PCDH15: variants seen among roughly 807,000 people sequenced by gnomAD.
The protein encoded by PCDH15 is protocadherin-15.
PCDH15 carries 129 observed loss-of-function variants against 178.5 expected under a neutral mutation model. The ratio of observed to expected loss-of-function variants is 0.72; its 90% CI spans 0.63 to 0.84. The LOEUF (loss-of-function observed/expected upper bound fraction) is 0.84, where lower values mean the gene tolerates loss of function less well. PCDH15 is among the 40% of genes least tolerant of loss of function. The probability of loss-of-function intolerance (pLI) is 0.00; values close to 1 mark genes in which losing one functional copy is unlikely to be tolerated. For synonymous variants in PCDH15, 800 were observed against 732.0 expected, an observed-to-expected ratio of 1.09 and a Z score of -1.50; for missense variants, 2,230 against 2,099.9, an observed-to-expected ratio of 1.06 and a Z score of -1.21.
chr10:55,300,860 A>G (rs1049675736), intron 1 of PCDH15, among the ~76,000 whole-genome samples: 2 of 152,198 alleles, frequency 1.3e-5, no homozygotes, highest in Admixed American at 1.3e-4. Context: ...AACATATTGC[A>G]CAATTTTAGA....
rs111579202 is a variant in PCDH15, at chr10:55,069,038, C to A, written c.-80+97538G>T. 2.7e-3 allele frequency among the ~76,000 whole-genome samples: 405 copies of A among 150,124 alleles called. 2 individuals carry two copies. Among genetic ancestry groups the A allele is most frequent in the Non-Finnish European group, 4.8e-3 (323 of 67,796 alleles). The stretch of plus-strand genomic sequence containing the variant: ...TCACCCTCCGAAGTAGCTGGGATTA[C>A]AGGTATGTTCCACCATGTCCAGCTA... On this transcript the variant is annotated intron_variant, in intron 2 of 5. Coordinates refer to the PCDH15 transcript ENST00000458638.
At chr10:55,418,893 A>G (rs16907387) in intron 2 of PCDH15, among the ~76,000 whole-genome samples, 4,676 of 151,720 alleles carry the variant, frequency 0.031, 227 homozygotes, top group African/African-American at 0.11. Context: ...TTAGCCCTGT[A>G]GATGAGGAAG....
At chr10:54,869,137 C>T (rs1953990622) in intron 3 of PCDH15, 1 of 152,094 alleles carries the variant, frequency 6.6e-6, no homozygotes, top group African/African-American at 2.4e-5. Context: ...TGTGAAACCA[C>T]ACCAATGACT....
chr10:55,292,710 T>C (rs1026373951), intron 1 of PCDH15, among the ~76,000 whole-genome samples: 4 of 152,126 alleles, frequency 2.6e-5, no homozygotes, highest in African/African-American at 4.8e-5. Context: ...AGCTCGAAAA[T>C]GATCTCTTTA....
intron 2 of PCDH15, among the ~76,000 whole-genome samples, chr10:55,106,662 C>CTG (rs1842680015): frequency 6.6e-6 from 1 of 152,108 alleles, no homozygotes; most frequent in Admixed American, 6.5e-5. Context: ...GTGATCCACC[C>CTG]ACCTCGGCCT....
chr10:54,299,728 C>T (rs1049479475), intron 8 of PCDH15, among the ~76,000 whole-genome samples: 4 of 152,258 alleles, frequency 2.6e-5, no homozygotes, highest in African/African-American at 9.6e-5. Flanking sequence ...GGGTGTTCAG[C>T]AAGTGATAAG....
intron 2 of PCDH15, among the ~76,000 whole-genome samples, chr10:55,076,450 T>A (rs1207892966): frequency 6.6e-6 from 1 of 151,538 alleles, no homozygotes; most frequent in South Asian, 2.1e-4. Context: ...TTTTATCTTC[T>A]TGGTGACTCT....
chr10:54,970,269 G>C (rs1163819189), intron 2 of PCDH15, among the ~76,000 whole-genome samples: 1 of 152,278 alleles, frequency 6.6e-6, no homozygotes, highest in East Asian at 1.9e-4. Context: ...CTGATATTTT[G>C]TTATTGCAGC....
intron 2 of PCDH15, among the ~76,000 whole-genome samples, chr10:55,536,748 T>C (rs193005045): frequency 1.3e-5 from 2 of 152,292 alleles, no homozygotes; most frequent in African/African-American, 4.8e-5. Context: ...TTAAGTACTT[T>C]CTGATGAAAT....
chr10:53,967,974 T>C (rs923106722), intron 21 of PCDH15, among the ~76,000 whole-genome samples: 2 of 152,136 alleles, frequency 1.3e-5, no homozygotes, highest in Non-Finnish European at 2.9e-5. Context: ...AGGTGATTTC[T>C]GCATTTCCAA....
chr10:54,471,843 C>A (rs2077940068), intron 3 of PCDH15, among the ~76,000 whole-genome samples: 1 of 151,716 alleles, frequency 6.6e-6, no homozygotes, highest in Non-Finnish European at 1.5e-5. Flanking sequence ...GTAAATACTG[C>A]AAAATACTTT....
At chr10:54,293,525 C>G (rs2059557958) in intron 8 of PCDH15, among the ~76,000 whole-genome samples, 1 of 152,128 alleles carries the variant, frequency 6.6e-6, no homozygotes, top group Non-Finnish European at 1.5e-5. Flanking sequence ...TCAGAGTGAA[C>G]AGGCAACCTA....
chr10:53,925,408 G>C (rs537737265), intron 25 of PCDH15, among the ~76,000 whole-genome samples: 1 of 152,108 alleles, frequency 6.6e-6, no homozygotes, highest in Admixed American at 6.5e-5. Flanking sequence ...AAGAAACTCC[G>C]AACACGCCCG....
At chr10:54,941,043 T>A (rs1838050336) in intron 2 of PCDH15, among the ~76,000 whole-genome samples, 2 of 152,150 alleles carry the variant, frequency 1.3e-5, no homozygotes, top group Non-Finnish European at 2.9e-5. Context: ...ATTTATGTCT[T>A]CCATTTTATT....
At chr10:54,443,472 C>A (rs1421611131) in intron 3 of PCDH15, among the ~76,000 whole-genome samples, 1 of 151,086 alleles carries the variant, frequency 6.6e-6, no homozygotes, top group Non-Finnish European at 1.5e-5. Flanking sequence ...TCATGTAACT[C>A]TACACAAATG....
At chr10:53,948,303 T>G (rs1822161212) in intron 23 of PCDH15, among the ~76,000 whole-genome samples, 1 of 152,190 alleles carries the variant, frequency 6.6e-6, no homozygotes, top group Admixed American at 6.5e-5. Context: ...TTTATTCCTC[T>G]CGCTTGAAAA....
chr10:54,487,630 T>G (rs1323892510), intron 3 of PCDH15, among the ~76,000 whole-genome samples: 1 of 152,040 alleles, frequency 6.6e-6, no homozygotes, highest in Non-Finnish European at 1.5e-5. Context: ...ATAACTGATA[T>G]AAAATATCTC....
At chr10:55,187,937 T>C (rs1435849201) in intron 1 of PCDH15, among the ~76,000 whole-genome samples, 1 of 151,952 alleles carries the variant, frequency 6.6e-6, no homozygotes, top group Non-Finnish European at 1.5e-5. Context: ...TTGAAAATAT[T>C]CTGCAGGCAG....
chr10:54,255,108 T>C (rs929937124), intron 8 of PCDH15, among the ~76,000 whole-genome samples: 1 of 152,256 alleles, frequency 6.6e-6, no homozygotes, highest in Non-Finnish European at 1.5e-5. Context: ...ACAAGAGCTG[T>C]AGGTAATTTG....
Sources: allele counts gnomAD v4.1 joint callset (sites outside exome capture counted in the v4.1 genomes callset), GRCh38; gene constraint gnomAD v4.1.1; transcripts MANE v1.5; gene names NCBI Gene and HGNC (gene_info 2026-07-23, HGNC 2026-07-21).